Variants in DYM observed in about 807,000 individuals in gnomAD.
The protein encoded by DYM is dymeclin, also known as dyggve-Melchior-Clausen syndrome protein.
A neutral mutation model predicts 93.1 loss-of-function variants in DYM; 78 were observed. That is an observed-to-expected ratio of 0.84 (90% CI 0.70 to 1.01). DYM has a LOEUF of 1.01. DYM is among the 50% of genes least tolerant of loss of function. DYM has a pLI of 0.00. For missense variants in DYM, 789 were observed against 845.0 expected (o/e 0.93, Z 0.82); for synonymous variants, 321 against 319.7 (o/e 1.00, Z -0.04).
intron 8 of DYM, among the ~76,000 whole-genome samples, chr18:49,288,958 C>T (rs1467419584): frequency 6.6e-6 from 1 of 151,824 alleles, no homozygotes; most frequent in Non-Finnish European, 1.5e-5. Flanking sequence ...CTGAGACCGA[C>T]CTAGGGAAGT....
intron 2 of DYM, among the ~76,000 whole-genome samples, chr18:49,397,023 G>A (rs2070183869): frequency 6.6e-6 from 1 of 152,166 alleles, no homozygotes; most frequent in South Asian, 2.1e-4. Flanking sequence ...TAACAATAAT[G>A]TACTTTACAT....
intron 3 of DYM, among the ~76,000 whole-genome samples, chr18:49,388,458 G>A (rs915818337): frequency 1.3e-5 from 2 of 151,818 alleles, no homozygotes; most frequent in Non-Finnish European, 2.9e-5. Flanking sequence ...ACAAGTATAT[G>A]GGACACAATG....
chr18:49,140,512 T>C (rs1319199475), intron 15 of DYM, among the ~76,000 whole-genome samples: 1 of 152,230 alleles, frequency 6.6e-6, no homozygotes, highest in Non-Finnish European at 1.5e-5. Flanking sequence ...TTGACTTTAG[T>C]ATTTTTCACT....
At chr18:49,413,650 A>G (rs1258988850) in intron 2 of DYM, among the ~76,000 whole-genome samples, 1 of 152,226 alleles carries the variant, frequency 6.6e-6, no homozygotes, top group Non-Finnish European at 1.5e-5. Flanking sequence ...GATGTGGTAT[A>G]TAACTACAAT....
intron 2 of DYM, among the ~76,000 whole-genome samples, chr18:49,403,682 T>C (rs1404973431): frequency 6.6e-6 from 1 of 152,180 alleles, no homozygotes; most frequent in East Asian, 1.9e-4. Flanking sequence ...ATATGAATGA[T>C]TCCATCACTC....
chr18:49,416,587 T>C (rs934113709), intron 2 of DYM, among the ~76,000 whole-genome samples: 3 of 152,222 alleles, frequency 2.0e-5, no homozygotes, highest in Non-Finnish European at 4.4e-5. Flanking sequence ...TTCTCTATAC[T>C]GCTGTTAGCT....
chr18:49,187,040 C>G (rs1198198059), intron 14 of DYM, among the ~76,000 whole-genome samples: 1 of 151,672 alleles, frequency 6.6e-6, no homozygotes, highest in Non-Finnish European at 1.5e-5. Context: ...CTGCCTCAGC[C>G]GTCCGAGTAG....
At chr18:49,393,243 C>T (rs992628144) in intron 2 of DYM, among the ~76,000 whole-genome samples, 14 of 152,068 alleles carry the variant, frequency 9.2e-5, no homozygotes, top group South Asian at 2.1e-4. Context: ...TAAAATGATG[C>T]AGCCACTATG....
In DYM at chr18:49,100,452, C is replaced by G. The variant is rs868399152; in HGVS notation, c.1912-2937G>C. Among the ~76,000 whole-genome samples, 3 of 152,092 alleles carry G rather than the reference C, an allele frequency of 2.0e-5. No homozygotes were observed. The South Asian group carries it at 6.2e-4, about 32-fold the overall frequency. ...TGCTTTGTTGACTCTGCGGCCTATA[C>G]TGGCTTTCCTCTAAGCCACAAGGAA... On this transcript the variant is annotated intron_variant, in intron 16 of 17. Coordinates refer to ENST00000675505, the MANE Select transcript of DYM (RefSeq NM_001353214.3).
chr18:49,175,376 T>G (rs575312208), intron 14 of DYM, among the ~76,000 whole-genome samples: 2 of 152,286 alleles, frequency 1.3e-5, no homozygotes, highest in African/African-American at 4.8e-5. Context: ...ATCTTATCTT[T>G]AAGGACCAAA....
At chr18:49,457,113 C>G (rs534701657) in intron 1 of DYM, among the ~76,000 whole-genome samples, 1 of 152,218 alleles carries the variant, frequency 6.6e-6, no homozygotes, top group African/African-American at 2.4e-5. Flanking sequence ...CCATTCCCAG[C>G]TGAGTCACAG....
At chr18:49,111,457 T>C (rs1850889723) in intron 16 of DYM, among the ~76,000 whole-genome samples, 2 of 152,188 alleles carry the variant, frequency 1.3e-5, no homozygotes, top group Non-Finnish European at 1.5e-5. Flanking sequence ...TTAGACATCA[T>C]GTGTAGAACT....
intron 1 of DYM, among the ~76,000 whole-genome samples, chr18:49,437,599 G>A (rs1017247705): frequency 6.6e-6 from 1 of 152,130 alleles, no homozygotes; most frequent in Non-Finnish European, 1.5e-5. Flanking sequence ...AAATAGAATT[G>A]CTGGGTCAAA....
At chr18:49,359,324 T>C (rs1221212063) in intron 6 of DYM, among the ~76,000 whole-genome samples, 1 of 152,138 alleles carries the variant, frequency 6.6e-6, no homozygotes, top group Non-Finnish European at 1.5e-5. Flanking sequence ...TTATTTTAAA[T>C]ATATAAATGC....
At chr18:49,343,963 A>AG (rs1312326883) in intron 6 of DYM, among the ~76,000 whole-genome samples, 4 of 151,864 alleles carry the variant, frequency 2.6e-5, no homozygotes, top group African/African-American at 9.7e-5. Flanking sequence ...AAAAAAAAAA[A>AG]AAAATCACTA....
chr18:49,389,361 T>C (rs12455424), intron 3 of DYM, among the ~76,000 whole-genome samples: 13,877 of 152,166 alleles, frequency 0.091, 853 homozygotes, highest in East Asian at 0.31. Flanking sequence ...AATTTATATC[T>C]ATTGAATAAG....
chr18:49,117,512 C>T (rs981932884), intron 16 of DYM, among the ~76,000 whole-genome samples: 3 of 151,958 alleles, frequency 2.0e-5, no homozygotes, highest in African/African-American at 7.3e-5. Flanking sequence ...CTGTTCGATT[C>T]TTGTTAGTTT....
intron 14 of DYM, among the ~76,000 whole-genome samples, chr18:49,170,195 A>T (rs1332602787): frequency 6.6e-6 from 1 of 152,186 alleles, no homozygotes; most frequent in South Asian, 2.1e-4. Context: ...TTATAAATAG[A>T]TGATGGAATT....
rs2156498 is a variant in DYM at position 49,446,068 on chromosome 18, A to G, written c.-54+14330T>C. Reference sequence around the variant, plus strand: ...GTATTATCTAAAATTGATAAATCACAAAATAGCAATTTAGGCAGATTTATA... The same window carrying G: ...GTATTATCTAAAATTGATAAATCACGAAATAGCAATTTAGGCAGATTTATA... On this transcript the variant is annotated intron_variant, in intron 1 of 17. Coordinates refer to ENST00000675505, the MANE Select transcript of DYM (RefSeq NM_001353214.3). 7.0e-3 allele frequency among the ~76,000 whole-genome samples: 1,064 copies of G among 152,360 alleles called. 6 individuals are homozygous for G. Among genetic ancestry groups the G allele is most frequent in the Non-Finnish European group, 0.012 (828 of 68,034 alleles).
Sources: gnomAD v4.1 joint callset for allele counts (sites outside exome capture counted in the v4.1 genomes callset) on GRCh38, gnomAD v4.1.1 for gene constraint, MANE v1.5 for transcripts, NCBI Gene and HGNC (gene_info 2026-07-23, HGNC 2026-07-21) for gene names.